FAM124A: variants seen among roughly 807,000 people sequenced by gnomAD.
FAM124A encodes the protein protein FAM124A.
In FAM124A, 23 loss-of-function variants were observed where a neutral mutation model predicts 24.5. The ratio of observed to expected loss-of-function variants is 0.94; its 90% CI spans 0.68 to 1.33. The LOEUF is 1.33. Among genes scored for constraint, FAM124A ranks in the 40% most tolerant of loss-of-function variants. The probability of loss-of-function intolerance (pLI) is 0.00; values close to 1 mark genes in which losing one functional copy is unlikely to be tolerated. For missense variants in FAM124A, 623 were observed against 722.8 expected (o/e 0.86, Z 1.58); for synonymous variants, 287 against 314.7 (o/e 0.91, Z 0.93).
intron 2 of FAM124A, among the ~76,000 whole-genome samples, chr13:51,236,839 TAG>T (rs60084408): frequency 0.17 from 25,727 of 152,226 alleles, 2,225 homozygotes; most frequent in Non-Finnish European, 0.2. Context: ...TTGTAAATGT[TAG>T]AGTCTTCATT....
At chr13:51,229,269 A>G (rs568015248) in intron 1 of FAM124A, among the ~76,000 whole-genome samples, 1 of 152,320 alleles carries the variant, frequency 6.6e-6, no homozygotes, top group East Asian at 1.9e-4. Flanking sequence ...ACATGATCAG[A>G]TTTATCCTTT....
chr13:51,246,382 C>T (rs542066422), intron 2 of FAM124A, among the ~76,000 whole-genome samples: 1 of 127,838 alleles, frequency 7.8e-6, no homozygotes, highest in Admixed American at 9.8e-5. Flanking sequence ...TCCAGCTCCA[C>T]AGAGGCATGT....
intron 2 of FAM124A, among the ~76,000 whole-genome samples, chr13:51,241,659 A>T (rs1372147630): frequency 1.3e-5 from 2 of 152,118 alleles, no homozygotes; most frequent in East Asian, 3.9e-4. Context: ...TTTTCTAAGG[A>T]GACTTAGAAA....
Position 51,281,184 on chromosome 13 carries a change from T to C in FAM124A, c.1569T>C (p.Thr523=). The C allele has an allele frequency of 6.2e-7, 1 of 1,612,850 alleles. No individual in the cohort carries two copies. Among genetic ancestry groups the C allele is most frequent in the Non-Finnish European group, 8.5e-7 (1 of 1,179,542 alleles). Residue 523 remains threonine (T), a synonymous_variant, in exon 4 of 4, where the codon ACT becomes ACC. Transcript: ENST00000322475. ...LPCDTPKVKQ[T]DGDMPPPPGS... is the part of the protein sequence containing the mutation. ...GCGATACCCCCAAAGTCAAGCAGAC[T>C]GATGGAGACATGCCACCACCCCCAG... is the stretch of plus-strand genomic sequence containing the variant.
intron 2 of FAM124A, among the ~76,000 whole-genome samples, chr13:51,246,169 GCT>G (rs1351795726): frequency 2.0e-5 from 3 of 152,180 alleles, no homozygotes; most frequent in South Asian, 2.1e-4. Context: ...CTGTGCCACT[GCT>G]CTGTTTGGTT....
At chr13:51,274,873 C>G (rs2137708855) in intron 3 of FAM124A, among the ~76,000 whole-genome samples, 1 of 152,270 alleles carries the variant, frequency 6.6e-6, no homozygotes, top group East Asian at 1.9e-4. Flanking sequence ...GAAGATTTAA[C>G]AATTAACCCA....
rs186381290 is a variant in FAM124A at position 51,234,384 on chromosome 13, G to A, written c.100+3005G>A. On this transcript the variant is annotated intron_variant, in intron 2 of 3. Transcript: ENST00000322475. ...TAGTTGTCTTTTTCCTCAAAATGCA[G>A]GGGGCTGCTTCCTCATGCCAGCTGC... Among the ~76,000 whole-genome samples, 290 of 152,288 alleles carry A rather than the reference G, an allele frequency of 1.9e-3. 1 individual carries two copies. The highest frequency in any genetic ancestry group is 3.4e-3 in the Middle Eastern group (1 of 294).
chr13:51,231,484 C>A, intron 2 of FAM124A, 105 bp downstream of exon 2: 4 of 1,224,648 alleles, frequency 3.3e-6, no homozygotes, highest in Non-Finnish European at 4.6e-6. Flanking sequence ...TAAGAATCAC[C>A]AAAGCATCTT....
chr13:51,246,300 A>T (rs2137669637), intron 2 of FAM124A, among the ~76,000 whole-genome samples: 1 of 150,046 alleles, frequency 6.7e-6, no homozygotes, highest in South Asian at 2.1e-4. Flanking sequence ...TTCTCCAGGG[A>T]GGCATAGAGA....
chr13:51,252,265 A>T, intron 3 of FAM124A, 64 bp downstream of exon 3: 1 of 1,549,822 alleles, frequency 6.5e-7, no homozygotes, highest in Non-Finnish European at 8.7e-7. Flanking sequence ...TTTGCCTCAA[A>T]CACTATAGTA....
rs752149143 is a variant in FAM124A at position 51,246,400 on chromosome 13, G to C, written c.101-5068G>C. Among the ~76,000 whole-genome samples the C allele has an allele frequency of 8.4e-5, 9 of 107,216 alleles. No individual in the cohort carries two copies. The South Asian group carries it at 1.3e-3, about 15-fold the overall frequency. The allele number at this position is 107,216 out of a possible 152,430, so 70.3% of individuals were successfully genotyped here. On this transcript the variant is annotated intron_variant, in intron 2 of 3. Transcript: ENST00000322475. ...AGCTCCACAGAGGCATGTTTCTCGTGGGGTGGGGGGGGGTGTAACTCTAAC... is the reference window on the plus strand; with the variant it reads ...AGCTCCACAGAGGCATGTTTCTCGTCGGGTGGGGGGGGGTGTAACTCTAAC...
intron 2 of FAM124A, among the ~76,000 whole-genome samples, chr13:51,248,430 T>C (rs1108956): frequency 0.55 from 84,344 of 152,114 alleles, 25,502 homozygotes; most frequent in Non-Finnish European, 0.68. Context: ...CTGTAAGTAC[T>C]GCTGGGTAAC....
At position 51,280,651 on chromosome 13, in the gene FAM124A, C is replaced by A. The variant is rs201443401; in HGVS notation, c.1036C>A (p.Arg346=). The part of the protein sequence containing the change: ...PPGHQQEFAG[R]ANSTPNPPWS... ...TGGGCACCAGCAGGAATTTGCCGGA[C>A]GAGCCAACAGCACCCCCAACCCTCC... The change falls in exon 4 of 4, where the codon CGA becomes AGA. Residue 346 remains arginine (R), a synonymous_variant. Transcript: ENST00000322475. 7 of 1,613,986 alleles carry A rather than the reference C, an allele frequency of 4.3e-6. No individual in the cohort carries two copies. Among genetic ancestry groups the A allele is most frequent in the East Asian group, 2.2e-5 (1 of 44,866 alleles).
rs1015629754 is a variant in FAM124A, at chr13:51,258,001, G to A, written c.834+5800G>A. Among the ~76,000 whole-genome samples, 17 of 152,220 alleles carry A rather than the reference G, an allele frequency of 1.1e-4. No individual in the cohort carries two copies. The highest frequency in any genetic ancestry group is 7.3e-5 in the Non-Finnish European group (5 of 68,044). ...AGTCCAAAATCAAGGCATCAGCAGG[G>A]TTGGTTCCTCCAAAGGTTGTGAGGA... On this transcript the variant is annotated intron_variant, in intron 3 of 3. Transcript: ENST00000322475. The surrounding 1 kb of genome is among the most constrained non-coding windows in gnomAD (Gnocchi z 4.2).
intron 2 of FAM124A, among the ~76,000 whole-genome samples, chr13:51,244,592 T>G (rs1954535610): frequency 2.6e-5 from 4 of 152,206 alleles, no homozygotes; most frequent in Admixed American, 2.6e-4. Flanking sequence ...CAACTAGACA[T>G]GCCCACTGCT....
At chr13:51,256,074 C>G (rs1034546587) in intron 3 of FAM124A, among the ~76,000 whole-genome samples, 1 of 152,190 alleles carries the variant, frequency 6.6e-6, no homozygotes, top group Non-Finnish European at 1.5e-5. Flanking sequence ...GGAACACAGG[C>G]CTGAATGGAA....
intron 2 of FAM124A, among the ~76,000 whole-genome samples, chr13:51,249,334 G>C (rs1954596709): frequency 6.6e-6 from 1 of 152,158 alleles, no homozygotes; most frequent in Non-Finnish European, 1.5e-5. Context: ...TACATGCTCA[G>C]CCAGCAGGAA....
chr13:51,273,574 A>T lies in FAM124A; in HGVS notation c.835-6876A>T, dbSNP rs78582765. Among the ~76,000 whole-genome samples the T allele has an allele frequency of 2.4e-3, 370 of 151,592 alleles. 5 individuals carry two copies. The East Asian group carries it at 0.046, about 19-fold the overall frequency. On this transcript the variant is annotated intron_variant, in intron 3 of 3. Transcript: ENST00000322475. ...AGGCGTGTAACATTGCGTTGGCTTA[A>T]TTTTTTTTTAACTTGAATCCTTCAG...
chr13:51,273,936 G>C (rs936289026), intron 3 of FAM124A, among the ~76,000 whole-genome samples: 18 of 152,262 alleles, frequency 1.2e-4, no homozygotes, highest in African/African-American at 3.9e-4. Context: ...AATGGGCAGG[G>C]TAATTCACAA....
Sources: allele counts gnomAD v4.1 joint callset (sites outside exome capture counted in the v4.1 genomes callset), GRCh38; gene constraint gnomAD v4.1.1; non-coding constraint Gnocchi (gnomAD v3.1); transcripts MANE v1.5; gene names NCBI Gene and HGNC (gene_info 2026-07-23, HGNC 2026-07-21).